The following CDAN1 variants were observed in gnomAD, a reference collection of about 807,000 sequenced individuals.
CDAN1 encodes the protein codanin-1.
CDAN1 carries 107 observed loss-of-function variants against 139.8 expected under a neutral mutation model. The observed-to-expected ratio is 0.77, with a 90% CI of 0.65 to 0.90. CDAN1 has a LOEUF of 0.90. Among genes scored for constraint, CDAN1 ranks in the 40% least tolerant of loss-of-function variants. CDAN1 has a pLI of 0.00. For missense variants in CDAN1, 1,667 were observed against 1,575.7 expected (o/e 1.06, Z -0.98); for synonymous variants, 776 against 660.6 (o/e 1.17, Z -2.68).
At chr15:42,732,137 G>A (rs959115968) in intron 10 of CDAN1, among the ~76,000 whole-genome samples, 196 bp downstream of exon 10, 4 of 152,186 alleles carry the variant, frequency 2.6e-5, no homozygotes, top group Admixed American at 6.5e-5. Context: ...TGCAGGGCCC[G>A]GGATGTGTCA....
intron 1 of CDAN1, 69 bp from the exon 2 acceptor site, chr15:42,736,849 G>C (rs2061696525): frequency 6.9e-6 from 10 of 1,455,268 alleles, no homozygotes; most frequent in Non-Finnish European, 7.2e-6. Flanking sequence ...AGCAGCCGGG[G>C]CCGTAGGGCG....
rs368795897 is a variant in CDAN1 at position 42,727,985 on chromosome 15, C to A, written c.2917G>T (p.Ala973Ser). The change falls in exon 22 of 28, where the codon GCC (alanine) becomes TCC (serine). Residue 973 changes from alanine (A) to serine (S), a missense_variant. Physicochemically the swap from Ala to Ser is moderately conservative, Grantham distance 99. Coordinates refer to ENST00000356231, the MANE Select transcript of CDAN1 (RefSeq NM_138477.4). The stretch of plus-strand genomic sequence containing the variant: ...ATGTTGGCTGACAGCCAAGCACAGG[C>A]TTTCTCTGTTGCAAGCCCCACAGCA... Reference protein sequence around the residue: ...NIAVGLATEKACAWLSANITA... With the variant: ...NIAVGLATEKSCAWLSANITA... 14 of 1,614,206 alleles carry A rather than the reference C, an allele frequency of 8.7e-6. No individual in the cohort carries two copies. Among genetic ancestry groups the A allele is most frequent in the African/African-American group, 1.3e-5 (1 of 75,068 alleles).
chr15:42,727,948 A>C lies in CDAN1; in HGVS notation c.2947+7T>G, dbSNP rs1239880245. 1.2e-6 allele frequency: 2 copies of C among 1,613,644 alleles called. No individual in the cohort carries two copies. Among genetic ancestry groups the C allele is most frequent in the Non-Finnish European group, 1.7e-6 (2 of 1,179,566 alleles). On this transcript the variant is annotated splice_region_variant and intron_variant, in intron 22 of 27. Coordinates refer to ENST00000356231, the MANE Select transcript of CDAN1 (RefSeq NM_138477.4). The stretch of plus-strand genomic sequence containing the variant: ...TGATTCAGCCACTCCCCCATCCAGG[A>C]CCTTACCTGTGATGTTGGCTGACAG...
At chr15:42,728,514 C>T in intron 20 of CDAN1, 138 bp downstream of exon 20, 1 of 1,290,782 alleles carries the variant, frequency 7.7e-7, no homozygotes, top group Non-Finnish European at 1.1e-6. Flanking sequence ...CAGTGCAGGG[C>T]TTATAGAGAA....
Position 42,731,026 on chromosome 15 carries a change from A to G in CDAN1, c.1906T>C (p.Leu636=), listed in dbSNP as rs749894309. ...FAVVLLSLRL[L]AKFLGFVAFL... ...GCCACAAAGCCCAGGAATTTAGCCA[A>G]AAGTCTCAGGCTAAGAAGCACCACA... Residue 636 remains leucine, a synonymous_variant, in exon 13 of 28, where the codon TTG becomes CTG. Coordinates refer to ENST00000356231, the MANE Select transcript of CDAN1 (RefSeq NM_138477.4). The G allele has an allele frequency of 3.1e-6, 5 of 1,614,190 alleles. No homozygotes were observed. The highest frequency in any genetic ancestry group is 2.2e-5 in the East Asian group (1 of 44,878).
rs753406643 is a variant in CDAN1, at chr15:42,727,940, C to A, written c.2947+15G>T. The A allele has an allele frequency of 1.4e-5, 22 of 1,613,070 alleles. No individual in the cohort carries two copies. The highest frequency in any genetic ancestry group is 1.7e-4 in the Middle Eastern group (1 of 6,060). On this transcript the variant is annotated intron_variant, in intron 22 of 27. Coordinates refer to ENST00000356231, the MANE Select transcript of CDAN1 (RefSeq NM_138477.4). ...TAAACACTTGATTCAGCCACTCCCC[C>A]ATCCAGGACCTTACCTGTGATGTTG... is the stretch of plus-strand genomic sequence containing the variant.
chr15:42,725,291 C>T lies in CDAN1; in HGVS notation c.3451-40G>A, dbSNP rs759134774. 1.9e-6 allele frequency: 3 copies of T among 1,578,162 alleles called. No individual in the cohort carries two copies. The South Asian group carries it at 3.3e-5, about 17-fold the overall frequency. ...GAGGTCAGGGTTGCTAGGAGGACGACAGAGTGACCCTGATGACAGAGATTG... is the reference window on the plus strand; with the variant it reads ...GAGGTCAGGGTTGCTAGGAGGACGATAGAGTGACCCTGATGACAGAGATTG... On this transcript the variant is annotated intron_variant, in intron 26 of 27. Coordinates refer to ENST00000356231, the MANE Select transcript of CDAN1 (RefSeq NM_138477.4).
At chr15:42,734,428 C>T in intron 6 of CDAN1, 82 bp from the exon 7 acceptor site, 1 of 1,567,232 alleles carries the variant, frequency 6.4e-7, no homozygotes, top group Non-Finnish European at 8.7e-7. Flanking sequence ...CACAGAGGAT[C>T]TCTAAGGCAT....
intron 17 of CDAN1, 91 bp from the exon 18 acceptor site, chr15:42,729,453 T>TA: frequency 6.2e-7 from 1 of 1,600,468 alleles, no homozygotes; most frequent in Non-Finnish European, 8.6e-7. Context: ...GAGGCTCAGA[T>TA]ACCCAGGAAT....
Position 42,730,781 on chromosome 15 carries a change from T to C in CDAN1, c.2008-17A>G, listed in dbSNP as rs2140485371. The C allele has an allele frequency of 6.2e-7, 1 of 1,612,556 alleles. No individual in the cohort carries two copies. Among genetic ancestry groups the C allele is most frequent in the East Asian group, 2.2e-5 (1 of 44,836 alleles). The stretch of plus-strand genomic sequence containing the variant: ...CGGAGGGACCTGGGAGGGCCAGAGC[T>C]CAGTCAGGGGGCAGGTCCCTAGGAA... On this transcript the variant is annotated splice_polypyrimidine_tract_variant and intron_variant, in intron 13 of 27. Transcript: ENST00000356231.
chr15:42,727,661 T>TGCTCACAGGC lies in CDAN1; in HGVS notation c.3046_3055dup (p.His1019ArgfsTer3). On this transcript the variant is annotated stop_gained and frameshift_variant, in exon 23 of 28. Coordinates refer to ENST00000356231, the MANE Select transcript of CDAN1 (RefSeq NM_138477.4). LOFTEE classifies it high-confidence loss of function. ...GAGGTGGGAGGGGAGGGGAGCATGG[T>TGCTCACAGGC]GCTCACAGGCGCGGGAGCAGCCCCT... The TGCTCACAGGC allele has an allele frequency of 6.3e-7, 1 of 1,588,290 alleles. No homozygotes were observed. Among genetic ancestry groups the TGCTCACAGGC allele is most frequent in the Non-Finnish European group, 8.6e-7 (1 of 1,163,922 alleles).
At position 42,736,701 on chromosome 15, in the gene CDAN1, AG is replaced by A. The variant is rs1383200463; in HGVS notation, c.169del (p.Leu57Ter). The A allele has an allele frequency of 6.4e-6, 10 of 1,557,142 alleles. No homozygotes were observed. The highest frequency in any genetic ancestry group is 6.9e-6 in the Non-Finnish European group (8 of 1,154,934). The part of the protein sequence containing the change: ...KEFVPFLLNF[L>X]REQSSRVLPQ... ...GAGGACGCGGCTGCTCTGCTCCCTC[AG>A]GAAGTTCAACAGGAACGGTACGAAT... On this transcript the variant is annotated frameshift_variant, in exon 2 of 28. Coordinates refer to ENST00000356231, the MANE Select transcript of CDAN1 (RefSeq NM_138477.4). LOFTEE classifies it high-confidence loss of function.
chr15:42,731,742 C>T lies in CDAN1; in HGVS notation c.1617G>A (p.Leu539=). 6.2e-7 allele frequency: 1 copy of T among 1,614,190 alleles called. No homozygotes were observed. Among genetic ancestry groups the T allele is most frequent in the Non-Finnish European group, 8.5e-7 (1 of 1,180,046 alleles). Residue 539 remains leucine, a synonymous_variant, in exon 11 of 28, where the codon CTG becomes CTA. Coordinates refer to ENST00000356231, the MANE Select transcript of CDAN1 (RefSeq NM_138477.4). The stretch of plus-strand genomic sequence containing the variant: ...GTTCCTGTAGGCGCCACAACCGCCC[C>T]AGCTTGTCAGCTCCCAGCATACTCA... The part of the protein sequence containing the change: ...DVLSMLGADK[L]GRLWRLQERL...
At chr15:42,736,818 G>A in intron 1 of CDAN1, 38 bp from the exon 2 acceptor site, 6 of 1,486,442 alleles carry the variant, frequency 4.0e-6, no homozygotes, top group Non-Finnish European at 5.3e-6. Context: ...GAGAGGGTCA[G>A]CCGCCGGCCC....
At chr15:42,725,360 TAAA>T (rs1201495979) in intron 26 of CDAN1, 109 bp from the exon 27 acceptor site, 1 of 1,466,484 alleles carries the variant, frequency 6.8e-7, no homozygotes, top group Non-Finnish European at 9.5e-7. Flanking sequence ...TTGAGATGGA[TAAA>T]TGGAGCCCAT....
At position 42,725,155 on chromosome 15, in the gene CDAN1, G is replaced by A. The variant is rs1347772054; in HGVS notation, c.3547C>T (p.Gln1183Ter). 1.9e-6 allele frequency: 3 copies of A among 1,613,308 alleles called. No homozygotes were observed. Among genetic ancestry groups the A allele is most frequent in the Admixed American group, 1.7e-5 (1 of 60,032 alleles). The change falls in exon 27 of 28, where the codon CAG becomes TAG. Residue 1183 changes from glutamine (Q) to a stop codon, truncating the protein, a stop_gained. Coordinates refer to ENST00000356231, the MANE Select transcript of CDAN1 (RefSeq NM_138477.4). LOFTEE classifies it high-confidence loss of function. ...AGGAGACTCCTTACCCCTGGCCACT[G>A]GGCCTGGTGGAGGCTGCCCAGGCAG... ...EACLGSLHQAQWPGDFAEELA... is the reference protein window; with the variant it reads ...EACLGSLHQA
At chr15:42,725,931 G>C (rs554799573) in intron 25 of CDAN1, among the ~76,000 whole-genome samples, 166 bp downstream of exon 25, 1 of 138,272 alleles carries the variant, frequency 7.2e-6, no homozygotes, top group Non-Finnish European at 1.5e-5. Flanking sequence ...AGCTAAGATC[G>C]TGCCACTGCA....
At position 42,735,105 on chromosome 15, in the gene CDAN1, G is replaced by GT. The variant is rs1212077315; in HGVS notation, c.1130dup (p.His377GlnfsTer18). 6.2e-7 allele frequency: 1 copy of GT among 1,612,134 alleles called. No individual in the cohort carries two copies. Among genetic ancestry groups the GT allele is most frequent in the Non-Finnish European group, 8.5e-7 (1 of 1,178,378 alleles). On this transcript the variant is annotated frameshift_variant, in exon 6 of 28. Transcript: ENST00000356231. LOFTEE classifies it high-confidence loss of function. ...CCTCAGCCAGGGAAACTCACTGAAAGTGACACTCCAAAACCTGCACTGCAA... is the reference window on the plus strand; with the variant it reads ...CCTCAGCCAGGGAAACTCACTGAAAGTTGACACTCCAAAACCTGCACTGCAA...
chr15:42,728,378 A>G, intron 20 of CDAN1, 111 bp from the exon 21 acceptor site: 1 of 1,294,574 alleles, frequency 7.7e-7, no homozygotes, highest in South Asian at 1.2e-5. Flanking sequence ...CCTTGGAAGG[A>G]GGCACCGTTT....
Sources: allele counts gnomAD v4.1 joint callset (sites outside exome capture counted in the v4.1 genomes callset), GRCh38; gene constraint gnomAD v4.1.1; transcripts MANE v1.5; gene names NCBI Gene and HGNC (gene_info 2026-07-23, HGNC 2026-07-21).